The following NLGN4Y variants were observed in gnomAD, a reference collection of about 807,000 sequenced individuals.
NLGN4Y encodes the protein neuroligin 4 Y-linked.
Under a neutral mutation model 8.4 loss-of-function variants are expected in NLGN4Y, and 4 were observed. The ratio of observed to expected loss-of-function variants is 0.48; its 90% confidence interval spans 0.23 to 1.09. The LOEUF is 1.09. Ranked by LOEUF, NLGN4Y falls within the 50% of genes least tolerant of loss-of-function variation. The pLI is 0.19. For synonymous variants in NLGN4Y, 35 were observed against 75.6 expected (o/e 0.46, Z 2.78); for missense variants, 90 against 192.3 (o/e 0.47, Z 3.15).
At chrY:14,608,921 C>A (rs753810654) in intron 1 of NLGN4Y, among the ~76,000 whole-genome samples, 1 of 32,513 alleles carries the variant, frequency 3.1e-5, no homozygotes, top group Admixed American at 2.9e-4. Context: ...TTGAAGAGGT[C>A]CTTCACTTCC....
intron 4 of NLGN4Y, among the ~76,000 whole-genome samples, chrY:14,790,252 A>G (rs2042980574): frequency 2.9e-5 from 1 of 34,000 alleles, no homozygotes. Flanking sequence ...GAAGGGTTAT[A>G]AAACACTTTT....
intron 1 of NLGN4Y, among the ~76,000 whole-genome samples, chrY:14,576,660 G>T: frequency 3.0e-5 from 1 of 33,573 alleles, no homozygotes; most frequent in African/African-American, 1.2e-4. Flanking sequence ...CCCATGTTCT[G>T]CATCGCTTAT....
intron 4 of NLGN4Y, among the ~76,000 whole-genome samples, chrY:14,724,938 G>T: frequency 3.0e-5 from 1 of 32,971 alleles, no homozygotes. Flanking sequence ...GACCTTGCCA[G>T]GCCTCCTTTC....
chrY:14,755,167 T>C (rs886668275), intron 4 of NLGN4Y, among the ~76,000 whole-genome samples: 1 of 33,620 alleles, frequency 3.0e-5, no homozygotes, highest in Non-Finnish European at 7.4e-5. Flanking sequence ...TCTAGAATTG[T>C]TATTGAATTG....
intron 2 of NLGN4Y, among the ~76,000 whole-genome samples, chrY:14,685,772 G>C: frequency 3.0e-5 from 1 of 33,241 alleles, no homozygotes; most frequent in Admixed American, 2.8e-4. Flanking sequence ...TGTTTTCTTG[G>C]TAGTTGGATG....
chrY:14,606,936 C>A, intron 1 of NLGN4Y, among the ~76,000 whole-genome samples: 5 of 31,985 alleles, frequency 1.6e-4, no homozygotes, highest in Admixed American at 1.5e-3. Context: ...TTGTGGCATC[C>A]CCTTTTTATC....
chrY:14,834,847 C>G (rs2043191947), intron 6 of NLGN4Y, among the ~76,000 whole-genome samples: 1 of 34,063 alleles, frequency 2.9e-5, no homozygotes, highest in Non-Finnish European at 7.3e-5. Context: ...AAGTTTAACA[C>G]CATTCTACAG....
At chrY:14,806,740 A>G in intron 4 of NLGN4Y, among the ~76,000 whole-genome samples, 1 of 32,044 alleles carries the variant, frequency 3.1e-5, no homozygotes, top group Non-Finnish European at 7.6e-5. Flanking sequence ...ATCAAAAATG[A>G]CAAATCCTTG....
chrY:14,778,262 A>G, intron 4 of NLGN4Y, among the ~76,000 whole-genome samples: 1 of 32,484 alleles, frequency 3.1e-5, no homozygotes, highest in African/African-American at 1.2e-4. Flanking sequence ...GAGCTTCACA[A>G]CGCAGGCATA....
chrY:14,573,545 G>C (rs1603500116), intron 1 of NLGN4Y, among the ~76,000 whole-genome samples: 3 of 32,690 alleles, frequency 9.2e-5, no homozygotes, highest in Non-Finnish European at 2.3e-4. Context: ...TTCAAAAAAC[G>C]AGCTCCTGGA....
chrY:14,823,552 G>A, intron 4 of NLGN4Y, among the ~76,000 whole-genome samples: 2 of 33,496 alleles, frequency 6.0e-5, no homozygotes, highest in African/African-American at 2.3e-4. Flanking sequence ...GCACACAAAT[G>A]GTACCTTGAA....
At chrY:14,656,081 C>A in intron 2 of NLGN4Y, among the ~76,000 whole-genome samples, 1 of 33,460 alleles carries the variant, frequency 3.0e-5, no homozygotes, top group East Asian at 7.8e-4. Context: ...TAAACAACAA[C>A]CCAACCTTGG....
intron 4 of NLGN4Y, among the ~76,000 whole-genome samples, chrY:14,783,646 G>A: frequency 3.0e-5 from 1 of 33,728 alleles, no homozygotes; most frequent in East Asian, 7.7e-4. Context: ...TTTTAAGGAT[G>A]AGACATGCAT....
intron 4 of NLGN4Y, among the ~76,000 whole-genome samples, chrY:14,809,336 G>A: frequency 1.5e-4 from 5 of 32,480 alleles, no homozygotes; most frequent in Admixed American, 1.1e-3. Context: ...TAGCCCACAC[G>A]TGGTGGCACA....
At chrY:14,814,264 G>A (rs2043093403) in intron 4 of NLGN4Y, among the ~76,000 whole-genome samples, 1 of 32,527 alleles carries the variant, frequency 3.1e-5, no homozygotes, top group African/African-American at 1.2e-4. Context: ...GGTGATGACC[G>A]CTCTACCTAC....
chrY:14,608,942 G>T, intron 1 of NLGN4Y, among the ~76,000 whole-genome samples: 1 of 32,485 alleles, frequency 3.1e-5, no homozygotes, highest in Non-Finnish European at 7.6e-5. Flanking sequence ...CTTGTAAGTT[G>T]TTTTCCTGGG....
chrY:14,825,285 CTCTG>C (rs370285634), intron 5 of NLGN4Y, among the ~76,000 whole-genome samples: 999 of 29,232 alleles, frequency 0.034, no homozygotes, highest in Middle Eastern at 0.24. Flanking sequence ...CTCACTTTCT[CTCTG>C]TCTCTCTCTC....
At chrY:14,564,470 G>C (rs765445316) in intron 1 of NLGN4Y, among the ~76,000 whole-genome samples, 2 of 33,150 alleles carry the variant, frequency 6.0e-5, no homozygotes, top group East Asian at 1.7e-3. Flanking sequence ...TGCTTGAGTA[G>C]GTGGTTTTAT....
At chrY:14,792,518 G>C in intron 4 of NLGN4Y, among the ~76,000 whole-genome samples, 2 of 31,288 alleles carry the variant, frequency 6.4e-5, no homozygotes, top group Admixed American at 3.0e-4. Flanking sequence ...GGCCAGGCAT[G>C]GTGGCTCACA....
Sources: gnomAD v4.1 joint callset for allele counts (sites outside exome capture counted in the v4.1 genomes callset) on GRCh38, gnomAD v4.1.1 for gene constraint, MANE v1.5 for transcripts, NCBI Gene and HGNC (gene_info 2026-07-23, HGNC 2026-07-21) for gene names.